Variants in MYBPC3 observed in about 807,000 individuals in gnomAD.
The protein encoded by MYBPC3 is myosin-binding protein C, cardiac-type.
Under a neutral mutation model 159.3 loss-of-function variants are expected in MYBPC3, and 108 were observed. That is an observed-to-expected ratio of 0.68 (90% CI 0.58 to 0.80). The LOEUF is 0.80. Among genes scored for constraint, MYBPC3 ranks in the 30% least tolerant of loss-of-function variants. MYBPC3 has a pLI of 0.00. For synonymous variants in MYBPC3, 730 were observed against 702.0 expected, an observed-to-expected ratio of 1.04 and a Z score of -0.63; for missense variants, 1,631 against 1,762.1, an observed-to-expected ratio of 0.93 and a Z score of 1.33.
In MYBPC3 at chr11:47,339,758, G is replaced by A. The variant is rs397515939; in HGVS notation, c.1960C>T (p.Arg654Cys). Residue 654 changes from arginine (R) to cysteine (C), a missense_variant, in exon 21 of 35, where the codon CGC (arginine) becomes TGC (cysteine). Coordinates refer to ENST00000545968, the MANE Select transcript of MYBPC3 (RefSeq NM_000256.3). ...ACAACCACAATGGTGTCTGGTATGC[G>A]GCCTGGGCAGTCCAGGTGGATCTTG... is the stretch of plus-strand genomic sequence containing the variant. ...PPKIHLDCPG[R>C]IPDTIVVVAG... 1.2e-5 allele frequency: 20 copies of A among 1,613,784 alleles called. No homozygotes were observed. Among genetic ancestry groups the A allele is most frequent in the East Asian group, 8.9e-5 (4 of 44,904 alleles).
rs751637847 is a variant in MYBPC3 at position 47,337,581 on chromosome 11, T to C, written c.2414-2A>G. On this transcript the variant is annotated splice_acceptor_variant, in intron 24 of 34. Transcript: ENST00000545968. LOFTEE classifies it high-confidence loss of function. ...TCTTCTTGCGCTCCAGGATGTAGCC[T>C]GGCTCAGGGGAGGTGGCAGCTCTGG... 1 of 1,614,016 alleles carries C rather than the reference T, an allele frequency of 6.2e-7. No individual in the cohort carries two copies. Among genetic ancestry groups the C allele is most frequent in the South Asian group, 1.1e-5 (1 of 91,084 alleles).
rs11570062 is a variant in MYBPC3, at chr11:47,347,556, G to C, written c.852-77C>G. 2.5e-3 allele frequency: 3,866 copies of C among 1,560,484 alleles called. 85 individuals are homozygous for C. In the African/African-American group the frequency reaches 0.046, roughly 19 times the overall value. ...AGGAGCAGGATGGGAGTGGAGTGGG[G>C]AGGGAGAAAGGGACACTAGCCAGAT... On this transcript the variant is annotated intron_variant, in intron 8 of 34. Coordinates refer to ENST00000545968, the MANE Select transcript of MYBPC3 (RefSeq NM_000256.3).
At position 47,342,865 on chromosome 11, in the gene MYBPC3, C is replaced by T. The variant is rs397515901; in HGVS notation, c.1422G>A (p.Glu474=). 9 of 1,613,244 alleles carry T rather than the reference C, an allele frequency of 5.6e-6. No homozygotes were observed. In the African/African-American group the frequency reaches 9.3e-5, roughly 17 times the overall value. ...LVMVGQRVEF[E]CEVSEEGAQV... is the part of the protein sequence containing the mutation. ...GCGCCCCCTCCTCCGATACTTCACA[C>T]TCAAACTCCACCCGCTGCCCCACCA... The change falls in exon 16 of 35, where the codon GAG becomes GAA. Residue 474 remains glutamate (E), a synonymous_variant. Transcript: ENST00000545968.
intron 5 of MYBPC3, among the ~76,000 whole-genome samples, chr11:47,349,448 A>G (rs1047038584): frequency 6.6e-6 from 1 of 151,788 alleles, no homozygotes; most frequent in Non-Finnish European, 1.5e-5. Flanking sequence ...CATGCTTCAC[A>G]GTGTCCTCCA....
At position 47,351,584 on chromosome 11, in the gene MYBPC3, TG is replaced by T. The variant is rs2095901131; in HGVS notation, c.26-80del. On this transcript the variant is annotated intron_variant, in intron 1 of 34. Transcript: ENST00000545968. This position sits in a 1 kb window ranked among gnomAD's most constrained non-coding sequence, Gnocchi z 4.2. ...CCCTGCAGCCCCTCTCAGTAAATAC[TG>T]TGCTAGCACTTTCTATGCATCCCCT... The T allele has an allele frequency of 7.0e-7, 1 of 1,431,934 alleles. No homozygotes were observed. The highest frequency in any genetic ancestry group is 9.3e-7 in the Non-Finnish European group (1 of 1,077,458). The allele number at this position is 1,431,934 out of a possible 1,614,324, so 88.7% of individuals were successfully genotyped here.
In MYBPC3 at chr11:47,339,750, T is replaced by C. The variant is rs397515940; in HGVS notation, c.1968A>G (p.Pro656=). ...TTCCAGCTACAACCACAATGGTGTC[T>C]GGTATGCGGCCTGGGCAGTCCAGGT... ...KIHLDCPGRI[P]DTIVVVAGNK... is the part of the protein sequence containing the mutation. Residue 656 remains proline, a synonymous_variant, in exon 21 of 35, where the codon CCA becomes CCG. Coordinates refer to ENST00000545968, the MANE Select transcript of MYBPC3 (RefSeq NM_000256.3). The C allele has an allele frequency of 5.0e-6, 8 of 1,613,814 alleles. No individual in the cohort carries two copies. In the African/African-American group the frequency reaches 8.0e-5, roughly 16 times the overall value.
In MYBPC3 at chr11:47,343,532, T is replaced by C. The variant is rs1233894123; in HGVS notation, c.1183A>G (p.Lys395Glu). The change falls in exon 13 of 35, where the codon AAA becomes GAA. Residue 395 changes from lysine to glutamate, a missense_variant. Coordinates refer to ENST00000545968, the MANE Select transcript of MYBPC3 (RefSeq NM_000256.3). ...ATCTCCTGGCCATTCTTGAGCCATT[T>C]GACCTCAGCGTCATGGTCAGCCAGT... is the stretch of plus-strand genomic sequence containing the variant. ...VELADHDAEV[K>E]WLKNGQEIQM... 6.2e-7 allele frequency: 1 copy of C among 1,609,506 alleles called. No individual in the cohort carries two copies. The highest frequency in any genetic ancestry group is 1.3e-5 in the African/African-American group (1 of 74,846).
Position 47,332,308 on chromosome 11 carries a change from A to T in MYBPC3, c.3628-50T>A. ...GGGAAGCCATCCAGGCTGAGAGGGGACCTGGCAGGGACCCAGGGAGACACA... is the reference window on the plus strand; with the variant it reads ...GGGAAGCCATCCAGGCTGAGAGGGGTCCTGGCAGGGACCCAGGGAGACACA... On this transcript the variant is annotated intron_variant, in intron 32 of 34. Transcript: ENST00000545968. The surrounding 1 kb of genome is among the most constrained non-coding windows in gnomAD (Gnocchi z 4.2). 1.9e-6 allele frequency: 3 copies of T among 1,587,448 alleles called. No homozygotes were observed. The highest frequency in any genetic ancestry group is 2.6e-6 in the Non-Finnish European group (3 of 1,156,776).
At position 47,346,516 on chromosome 11, in the gene MYBPC3, C is replaced by T. The variant is rs1426572668; in HGVS notation, c.926+111G>A. 2 of 1,470,976 alleles carry T rather than the reference C, an allele frequency of 1.4e-6. No individual in the cohort carries two copies. The allele number at this position is 1,470,976 out of a possible 1,614,324, so 91.1% of individuals were successfully genotyped here. Reference sequence around the variant, plus strand: ...GGGGCAGCTGGAGCTGCTCTGGGTCCCAGGCCAGGCAGGACTGGGGGCCAA... The same window carrying T: ...GGGGCAGCTGGAGCTGCTCTGGGTCTCAGGCCAGGCAGGACTGGGGGCCAA... On this transcript the variant is annotated intron_variant, in intron 11 of 34. Transcript: ENST00000545968. The surrounding 1 kb of genome is among the most constrained non-coding windows in gnomAD (Gnocchi z 5.3).
At position 47,335,225 on chromosome 11, in the gene MYBPC3, G is replaced by A. The variant is rs777719384; in HGVS notation, c.2738-16C>T. On this transcript the variant is annotated splice_polypyrimidine_tract_variant and intron_variant, in intron 26 of 34. Transcript: ENST00000545968. ...CACTCTGAGCCTGGGGGTGGGGAGG[G>A]GGAGGCAAGGCCACAGGCTGTGTCA... The A allele has an allele frequency of 3.8e-6, 6 of 1,571,888 alleles. No individual in the cohort carries two copies. The South Asian group carries it at 5.8e-5, about 15-fold the overall frequency.
At position 47,336,435 on chromosome 11, in the gene MYBPC3, C is replaced by T. The variant is rs11570101; in HGVS notation, c.2603-424G>A. On this transcript the variant is annotated intron_variant, in intron 25 of 34. Coordinates refer to ENST00000545968, the MANE Select transcript of MYBPC3 (RefSeq NM_000256.3). ...CTGGGAGGTGAAGGTTACAGTGACC[C>T]CAGATCGCGCCAGGACTGCACTCCA... 21 of 152,862 alleles carry T rather than the reference C, an allele frequency of 1.4e-4. No individual in the cohort carries two copies. The South Asian group carries it at 2.9e-3, about 21-fold the overall frequency. The allele number at this position is 152,862 out of a possible 1,614,324, so 9.5% of individuals were successfully genotyped here. A position where few individuals can be genotyped will look rare whatever the true frequency, so the allele number is the denominator to read the frequency against.
At chr11:47,345,954 T>C (rs1429712675) in intron 12 of MYBPC3, among the ~76,000 whole-genome samples, 1 of 152,196 alleles carries the variant, frequency 6.6e-6, no homozygotes, top group Admixed American at 6.5e-5. Flanking sequence ...TTCTCTTCTA[T>C]CTCTGTGGTA....
intron 17 of MYBPC3, 29 bp from the exon 18 acceptor site, chr11:47,342,185 C>A: frequency 6.2e-7 from 1 of 1,609,104 alleles, no homozygotes; most frequent in Non-Finnish European, 8.5e-7. Context: ...CCATTGAGCT[C>A]GGGAGGGTGT....
At position 47,346,625 on chromosome 11, in the gene MYBPC3, A is replaced by G. The variant is rs1595847941; in HGVS notation, c.926+2T>C. Reference sequence around the variant, plus strand: ...GGGTGCTGTGCTATGTTGGGCACTCACCTCGGGGTCCGGAAACTGCTGCTC... The same window carrying G: ...GGGTGCTGTGCTATGTTGGGCACTCGCCTCGGGGTCCGGAAACTGCTGCTC... On this transcript the variant is annotated splice_donor_variant, in intron 11 of 34. Transcript: ENST00000545968. LOFTEE classifies it high-confidence loss of function. This position sits in a 1 kb window ranked among gnomAD's most constrained non-coding sequence, Gnocchi z 5.3. 2 of 1,557,178 alleles carry G rather than the reference A, an allele frequency of 1.3e-6. No individual in the cohort carries two copies. The highest frequency in any genetic ancestry group is 1.7e-6 in the Non-Finnish European group (2 of 1,149,502).
chr11:47,348,928 T>TATATATATATATATATATATATA (rs1424143680), intron 5 of MYBPC3, among the ~76,000 whole-genome samples: 8 of 9,892 alleles, frequency 8.1e-4, no homozygotes, highest in Non-Finnish European at 1.6e-3. Context: ...ATATATATAT[T>TATATATATATATATATATATATA]TAAAGGAGGC....
At chr11:47,333,483 G>A (rs1410817088) in intron 29 of MYBPC3, 74 bp downstream of exon 29, 6 of 1,574,690 alleles carry the variant, frequency 3.8e-6, no homozygotes, top group Non-Finnish European at 5.2e-6. Context: ...GGGTCCCCTG[G>A]CCCCACCCTT....
chr11:47,346,380 G>C lies in MYBPC3; in HGVS notation c.927-10C>G, dbSNP rs201078659. ...CTCCAGCTTCGAGTCCCTGTGTCCC[G>C]CAGTCTAGGCTGTGGCCGGGGGCAA... is the stretch of plus-strand genomic sequence containing the variant. On this transcript the variant is annotated splice_polypyrimidine_tract_variant and intron_variant, in intron 11 of 34. Transcript: ENST00000545968. This position sits in a 1 kb window ranked among gnomAD's most constrained non-coding sequence, Gnocchi z 5.3. 5.8e-6 allele frequency: 9 copies of C among 1,559,886 alleles called. No homozygotes were observed. The Admixed American group carries it at 1.1e-4, about 19-fold the overall frequency.
chr11:47,351,189 G>GGCC lies in MYBPC3; in HGVS notation c.292+49_292+50insGGC. The GGCC allele has an allele frequency of 6.9e-7, 1 of 1,449,126 alleles. No homozygotes were observed. The highest frequency in any genetic ancestry group is 9.2e-7 in the Non-Finnish European group (1 of 1,087,872). 89.8% of individuals were successfully genotyped at this position (1,449,126 alleles called of 1,614,324 possible). ...TGGATGGATGGAGAGTCGCTGGGCTGCCCCTCCCCCAGCAGCCCAAACCTC... is the reference window on the plus strand; with the variant it reads ...TGGATGGATGGAGAGTCGCTGGGCTGGCCCCCCTCCCCCAGCAGCCCAAACCTC... On this transcript the variant is annotated intron_variant, in intron 2 of 34. Coordinates refer to ENST00000545968, the MANE Select transcript of MYBPC3 (RefSeq NM_000256.3). This position sits in a 1 kb window ranked among gnomAD's most constrained non-coding sequence, Gnocchi z 4.2.
chr11:47,349,605 G>A (rs1382364606), intron 5 of MYBPC3, among the ~76,000 whole-genome samples, 169 bp downstream of exon 5: 1 of 152,118 alleles, frequency 6.6e-6, no homozygotes, highest in Non-Finnish European at 1.5e-5. Flanking sequence ...AGGCCTCCGG[G>A]ATCTCCCTGT....
Sources: allele counts gnomAD v4.1 joint callset (sites outside exome capture counted in the v4.1 genomes callset), GRCh38; gene constraint gnomAD v4.1.1; non-coding constraint Gnocchi (gnomAD v3.1); transcripts MANE v1.5; gene names NCBI Gene and HGNC (gene_info 2026-07-23, HGNC 2026-07-21).